The following SCN7A variants were observed in gnomAD, a reference collection of about 807,000 sequenced individuals.
SCN7A encodes the protein sodium voltage-gated channel alpha subunit 7.
Under a neutral mutation model 155.2 loss-of-function variants are expected in SCN7A, and 138 were observed. That is an observed-to-expected ratio of 0.89 (90% CI 0.77 to 1.02). The LOEUF is 1.02. Among genes scored for constraint, SCN7A ranks in the 50% least tolerant of loss-of-function variants. The pLI is 0.00. For synonymous variants in SCN7A, 693 were observed against 649.0 expected (o/e 1.07, Z -1.03); for missense variants, 2,058 against 1,986.6 (o/e 1.04, Z -0.68).
chr2:166,471,979 ATACTTT>A (rs1702667684), intron 6 of SCN7A, among the ~76,000 whole-genome samples: 1 of 151,882 alleles, frequency 6.6e-6, no homozygotes, highest in Admixed American at 6.6e-5. Context: ...TTTTATTATT[ATACTTT>A]AAGTTTTAGG....
In SCN7A at chr2:166,406,108, G is replaced by A; in HGVS notation, c.4521C>T (p.Asn1507=). The change falls in exon 26 of 26, where the codon AAC becomes AAT. Residue 1507 remains asparagine (N), a synonymous_variant. Coordinates refer to ENST00000643258, the MANE Select transcript of SCN7A (RefSeq NM_002976.4). ...EFLNIASKKK[N]KTLSEDDFRK... is the part of the protein sequence containing the mutation. ...TAAAATCATCTTCACTCAAGGTCTT[G>A]TTTTTCTTCTTAGAAGCAATATTTA... 1 of 1,611,820 alleles carries A rather than the reference G, an allele frequency of 6.2e-7. No homozygotes were observed. Among genetic ancestry groups the A allele is most frequent in the Non-Finnish European group, 8.5e-7 (1 of 1,178,814 alleles).
At chr2:166,426,194 C>T in intron 18 of SCN7A, among the ~76,000 whole-genome samples, 1 of 152,034 alleles carries the variant, frequency 6.6e-6, no homozygotes. Context: ...TCAGGTGATG[C>T]AGAAGATTGC....
chr2:166,460,953 A>C (rs1702390422), intron 10 of SCN7A, among the ~76,000 whole-genome samples: 1 of 151,976 alleles, frequency 6.6e-6, no homozygotes, highest in African/African-American at 2.4e-5. Flanking sequence ...GAAAGCACTG[A>C]ATCTTATCAA....
chr2:166,489,036 T>C (rs897293272), intron 1 of SCN7A, among the ~76,000 whole-genome samples: 4 of 152,206 alleles, frequency 2.6e-5, no homozygotes, highest in African/African-American at 9.6e-5. Context: ...TGCAAGGATG[T>C]TTATCATAAC....
chr2:166,470,556 T>C (rs1702630197), intron 7 of SCN7A, 59 bp downstream of exon 7: 1 of 1,415,414 alleles, frequency 7.1e-7, no homozygotes, highest in Non-Finnish European at 9.7e-7. Context: ...GAAGTTCAAG[T>C]GAATACATGG....
At chr2:166,412,925 C>T in intron 22 of SCN7A, 143 bp downstream of exon 22, 1 of 857,092 alleles carries the variant, frequency 1.2e-6, no homozygotes. Flanking sequence ...ATATAATAAC[C>T]CTGGAAGAAT....
chr2:166,471,732 G>C (rs1243658830), intron 6 of SCN7A, among the ~76,000 whole-genome samples: 6 of 150,064 alleles, frequency 4.0e-5, no homozygotes. Flanking sequence ...ATGTGGGGGG[G>C]GGGGTGGTGT....
At chr2:166,430,361 T>G (rs1701708851) in intron 16 of SCN7A, among the ~76,000 whole-genome samples, 1 of 151,982 alleles carries the variant, frequency 6.6e-6, no homozygotes, top group Non-Finnish European at 1.5e-5. Flanking sequence ...TACACAGATA[T>G]TTTTATTTCC....
chr2:166,459,064 T>C (rs924399804), intron 10 of SCN7A, among the ~76,000 whole-genome samples: 9 of 152,186 alleles, frequency 5.9e-5, no homozygotes, highest in Non-Finnish European at 1.2e-4. Context: ...CCAGAGGTCC[T>C]GGAACTGATC....
At chr2:166,461,055 T>C (rs1021971709) in intron 10 of SCN7A, among the ~76,000 whole-genome samples, 118 of 148,208 alleles carry the variant, frequency 8.0e-4, no homozygotes, top group African/African-American at 2.3e-3. Flanking sequence ...TTTCTTTTTT[T>C]TTTTTTTTTT....
chr2:166,455,051 T>C (rs930614973), intron 11 of SCN7A, among the ~76,000 whole-genome samples: 1 of 152,204 alleles, frequency 6.6e-6, no homozygotes, highest in Non-Finnish European at 1.5e-5. Flanking sequence ...CCCTGTACTA[T>C]GATACATAGT....
At chr2:166,430,717 T>C (rs1402438190) in intron 16 of SCN7A, among the ~76,000 whole-genome samples, 1 of 151,942 alleles carries the variant, frequency 6.6e-6, no homozygotes, top group Non-Finnish European at 1.5e-5. Context: ...ACGATGTAAA[T>C]TTTGATGTTA....
chr2:166,465,526 C>A lies in SCN7A; in HGVS notation c.877G>T (p.Glu293Ter), dbSNP rs1180280300. The change falls in exon 9 of 26, where the codon GAA becomes TAA. Residue 293 changes from glutamate to a stop codon, truncating the protein, a stop_gained. Transcript: ENST00000643258. LOFTEE classifies it high-confidence loss of function. ...TGNPYYIRET[E>*]NFYYLEGERY... ...TCTCCTTCCAAATAATAAAAGTTTT[C>A]TGTTTCTGAAAAACAGGCAAGAAAT... 6.3e-7 allele frequency: 1 copy of A among 1,595,450 alleles called. No individual in the cohort carries two copies.
chr2:166,431,073 A>C (rs761528630), intron 16 of SCN7A, among the ~76,000 whole-genome samples: 24 of 152,126 alleles, frequency 1.6e-4, no homozygotes, highest in Non-Finnish European at 2.8e-4. Context: ...TTCATACTCC[A>C]GAATTTCTAA....
At chr2:166,409,426 G>A (rs1701147726) in intron 25 of SCN7A, among the ~76,000 whole-genome samples, 1 of 151,912 alleles carries the variant, frequency 6.6e-6, no homozygotes, top group Non-Finnish European at 1.5e-5. Context: ...TGTATGCAAA[G>A]TCTATGTTAT....
In SCN7A at chr2:166,441,381, G is replaced by C. The variant is rs372350164; in HGVS notation, c.2157+15C>G. 3 of 1,528,466 alleles carry C rather than the reference G, an allele frequency of 2.0e-6. No individual in the cohort carries two copies. Among genetic ancestry groups the C allele is most frequent in the Non-Finnish European group, 2.7e-6 (3 of 1,128,178 alleles). 94.7% of individuals were successfully genotyped at this position (1,528,466 alleles called of 1,614,324 possible). ...ACCAGTTTTCATGGAAAATGTAAAA[G>C]AATTGACTACTTACCAGTAAATTTC... On this transcript the variant is annotated intron_variant, in intron 15 of 25. Coordinates refer to ENST00000643258, the MANE Select transcript of SCN7A (RefSeq NM_002976.4).
At chr2:166,420,272 T>C (rs975129062) in intron 20 of SCN7A, among the ~76,000 whole-genome samples, 2 of 152,056 alleles carry the variant, frequency 1.3e-5, no homozygotes, top group African/African-American at 4.8e-5. Flanking sequence ...CATAATACAA[T>C]AAACTATAGG....
At chr2:166,416,503 A>C (rs1324490623) in intron 21 of SCN7A, among the ~76,000 whole-genome samples, 1 of 152,308 alleles carries the variant, frequency 6.6e-6, no homozygotes, top group East Asian at 1.9e-4. Flanking sequence ...TCAGCTGGCC[A>C]ACACTTACGG....
At chr2:166,462,256 A>G in intron 10 of SCN7A, 133 bp downstream of exon 10, 4 of 926,164 alleles carry the variant, frequency 4.3e-6, no homozygotes, top group Non-Finnish European at 6.2e-6. Context: ...CAGTAATTCT[A>G]GTTCTCTTTT....
Sources: allele counts gnomAD v4.1 joint callset (sites outside exome capture counted in the v4.1 genomes callset), GRCh38; gene constraint gnomAD v4.1.1; transcripts MANE v1.5; gene names NCBI Gene and HGNC (gene_info 2026-07-23, HGNC 2026-07-21).